TCP11L1: variants seen among roughly 807,000 people sequenced by gnomAD.
TCP11L1 encodes t-complex 11 like 1, also known as T-complex protein 11-like protein 1.
TCP11L1 carries 28 observed loss-of-function variants against 48.9 expected under a neutral mutation model. That is an observed-to-expected ratio of 0.57 (90% CI 0.42 to 0.78). TCP11L1 has a LOEUF of 0.78. Ranked by LOEUF, TCP11L1 falls within the 30% of genes least tolerant of loss-of-function variation. The pLI is 0.00. For missense variants in TCP11L1, 505 were observed against 613.4 expected (o/e 0.82, Z 1.87); for synonymous variants, 204 against 231.9 (o/e 0.88, Z 1.09).
chr11:33,049,153 G>A (rs750140789), intron 2 of TCP11L1, among the ~76,000 whole-genome samples: 27 of 151,866 alleles, frequency 1.8e-4, no homozygotes, highest in Non-Finnish European at 3.2e-4. Context: ...GGGAGGCTGA[G>A]GCAGGAGAAT....
At chr11:33,071,403 A>G (rs1408066346) in intron 9 of TCP11L1, among the ~76,000 whole-genome samples, 1 of 152,180 alleles carries the variant, frequency 6.6e-6, no homozygotes, top group Non-Finnish European at 1.5e-5. Flanking sequence ...AGTTATTTGC[A>G]CCTGAGAGGA....
chr11:33,050,112 C>A (rs942681873), intron 2 of TCP11L1, among the ~76,000 whole-genome samples: 1 of 152,202 alleles, frequency 6.6e-6, no homozygotes, highest in African/African-American at 2.4e-5. Flanking sequence ...TCCATTAAAC[C>A]TTGAGTCAAC....
intron 2 of TCP11L1, among the ~76,000 whole-genome samples, chr11:33,054,222 CTTT>C (rs879682189): frequency 2.2e-5 from 3 of 138,798 alleles, no homozygotes; most frequent in African/African-American, 7.9e-5. Flanking sequence ...CTGGTGTCTT[CTTT>C]TTTTTTTTTT....
At chr11:33,054,268 G>GA (rs1470776647) in intron 2 of TCP11L1, among the ~76,000 whole-genome samples, 2 of 150,932 alleles carry the variant, frequency 1.3e-5, no homozygotes, top group Non-Finnish European at 2.9e-5. Flanking sequence ...AGAAAGACTA[G>GA]AAAATAAACC....
chr11:33,045,479 G>T (rs114939268), intron 2 of TCP11L1, among the ~76,000 whole-genome samples: 1 of 151,876 alleles, frequency 6.6e-6, no homozygotes, highest in Non-Finnish European at 1.5e-5. Flanking sequence ...TTGTGTCACC[G>T]CACTCCAGCC....
In TCP11L1 at chr11:33,056,985, A is replaced by C. The variant is rs1854327443; in HGVS notation, c.297-130A>C. ...TGCCCTCAGTTGAAGTATGCCTGGG[A>C]AATCTTTCCTTGGTCCAAATCACTG... On this transcript the variant is annotated intron_variant, in intron 3 of 9. Transcript: ENST00000334274. The C allele has an allele frequency of 4.2e-5, 55 of 1,318,454 alleles. 1 individual carries two copies. In the South Asian group the frequency reaches 7.7e-4, roughly 18 times the overall value. The allele number at this position is 1,318,454 out of a possible 1,614,324, so 81.7% of individuals were successfully genotyped here. A position where few individuals can be genotyped will look rare whatever the true frequency, so the allele number is the denominator to read the frequency against.
intron 9 of TCP11L1, among the ~76,000 whole-genome samples, chr11:33,071,679 C>G (rs1854794128): frequency 2.0e-5 from 3 of 152,156 alleles, no homozygotes; most frequent in African/African-American, 7.2e-5. Context: ...TTCATGGAGG[C>G]TTAGTAGGAA....
rs1283763554 is a variant in TCP11L1, at chr11:33,046,735, CAT to C, written c.163+2801_163+2802del. Among the ~76,000 whole-genome samples the C allele has an allele frequency of 6.3e-4, 96 of 152,134 alleles. 1 individual carries two copies. Among genetic ancestry groups the C allele is most frequent in the Non-Finnish European group, 1.1e-3 (73 of 68,032 alleles). On this transcript the variant is annotated intron_variant, in intron 2 of 9. Transcript: ENST00000334274. ...TCAGGTAAGGAAGCATTATTGAACACATAGAGCATAAATAAGGATTTACAAAA... is the reference window on the plus strand; with the variant it reads ...TCAGGTAAGGAAGCATTATTGAACACAGAGCATAAATAAGGATTTACAAAA...
intron 2 of TCP11L1, among the ~76,000 whole-genome samples, chr11:33,052,917 TG>T (rs1444339982): frequency 6.6e-6 from 1 of 152,100 alleles, no homozygotes; most frequent in East Asian, 1.9e-4. Flanking sequence ...GATTTGAGCC[TG>T]AGAGGTTGAG....
At chr11:33,065,030 A>G (rs1287600284) in intron 7 of TCP11L1, among the ~76,000 whole-genome samples, 1 of 152,178 alleles carries the variant, frequency 6.6e-6, no homozygotes, top group Non-Finnish European at 1.5e-5. Flanking sequence ...GGACTTGGGA[A>G]TTTCCATTTG....
At chr11:33,050,207 T>C (rs1439913617) in intron 2 of TCP11L1, among the ~76,000 whole-genome samples, 1 of 152,222 alleles carries the variant, frequency 6.6e-6, no homozygotes, top group Non-Finnish European at 1.5e-5. Flanking sequence ...TTTTTCTTAG[T>C]ACAGAACAAA....
chr11:33,063,706 TG>T (rs914611585), intron 7 of TCP11L1, among the ~76,000 whole-genome samples: 10 of 152,236 alleles, frequency 6.6e-5, no homozygotes, highest in Non-Finnish European at 7.3e-5. Flanking sequence ...CCTCTCTTTT[TG>T]GGGGGTACGT....
In TCP11L1 at chr11:33,058,019, C is replaced by T. The variant is rs537737874; in HGVS notation, c.518C>T (p.Ala173Val). The T allele has an allele frequency of 9.3e-6, 15 of 1,614,044 alleles. No individual in the cohort carries two copies. Among genetic ancestry groups the T allele is most frequent in the East Asian group, 4.5e-5 (2 of 44,876 alleles). ...DLIKQEAENG[A>V]LDISKLAEFI... ...ATAAAGCAGGAAGCAGAGAATGGGG[C>T]GCTAGACATTTCCAAGCTGGCAGAA... is the stretch of plus-strand genomic sequence containing the variant. The change falls in exon 5 of 10, where the codon GCG (alanine) becomes GTG (valine). Residue 173 changes from alanine to valine, a missense_variant. Ala to Val is a moderately conservative substitution (Grantham distance 64). Coordinates refer to ENST00000334274, the MANE Select transcript of TCP11L1 (RefSeq NM_018393.4).
intron 9 of TCP11L1, among the ~76,000 whole-genome samples, chr11:33,069,451 A>G (rs571452552): frequency 6.6e-6 from 1 of 152,022 alleles, no homozygotes; most frequent in East Asian, 1.9e-4. Context: ...CATATTCTAT[A>G]AAATATTTAA....
intron 1 of TCP11L1, among the ~76,000 whole-genome samples, chr11:33,042,910 AC>A (rs563043903): frequency 2.4e-3 from 360 of 152,348 alleles, no homozygotes; most frequent in African/African-American, 8.0e-3. Context: ...TCCTAAAAAT[AC>A]AAAAATCAGC....
intron 1 of TCP11L1, 116 bp downstream of exon 1, chr11:33,039,908 A>C (rs752157807): frequency 4.6e-5 from 7 of 152,312 alleles, no homozygotes; most frequent in Non-Finnish European, 1.0e-4. Context: ...TGTCGGGGGC[A>C]GGCGAGGAAG....
Position 33,072,933 on chromosome 11 carries a change from C to G in TCP11L1, c.*257C>G. On this transcript the variant is annotated 3_prime_UTR_variant, in exon 10 of 10. Coordinates refer to ENST00000334274, the MANE Select transcript of TCP11L1 (RefSeq NM_018393.4). ...GTTCTCGAGTTTTACAGGTAACACT[C>G]AGCTGTTGTCTCCACTCCTCCCCCA... 1 of 462,710 alleles carries G rather than the reference C, an allele frequency of 2.2e-6. No individual in the cohort carries two copies. The highest frequency in any genetic ancestry group is 2.2e-5 in the South Asian group (1 of 46,142). The allele number at this position is 462,710 out of a possible 1,614,324, so 28.7% of individuals were successfully genotyped here.
chr11:33,042,361 A>C (rs1044945776), intron 1 of TCP11L1, among the ~76,000 whole-genome samples: 1 of 152,044 alleles, frequency 6.6e-6, no homozygotes, highest in African/African-American at 2.4e-5. Flanking sequence ...CGATCTCTTG[A>C]CCTCATGATC....
At chr11:33,064,943 A>C (rs373934454) in intron 7 of TCP11L1, among the ~76,000 whole-genome samples, 1 of 152,210 alleles carries the variant, frequency 6.6e-6, no homozygotes, top group African/African-American at 2.4e-5. Flanking sequence ...GGCACCCACC[A>C]TCGCACCTGG....
Sources: allele counts gnomAD v4.1 joint callset (sites outside exome capture counted in the v4.1 genomes callset), GRCh38; gene constraint gnomAD v4.1.1; transcripts MANE v1.5; gene names NCBI Gene and HGNC (gene_info 2026-07-23, HGNC 2026-07-21).